The following SLC30A7 variants were observed in gnomAD, a reference collection of about 807,000 sequenced individuals.
The protein encoded by SLC30A7 is zinc transporter 7.
In SLC30A7, 35 loss-of-function variants were observed where a neutral mutation model predicts 46.0. That is an observed-to-expected ratio of 0.76 (90% CI 0.58 to 1.01). The LOEUF is 1.01. Among genes scored for constraint, SLC30A7 ranks in the 50% least tolerant of loss-of-function variants. The pLI, the probability that SLC30A7 is intolerant of heterozygous loss-of-function variation, is 0.00. For synonymous variants in SLC30A7, 147 were observed against 157.8 expected, an observed-to-expected ratio of 0.93 and a Z score of 0.51; for missense variants, 464 against 451.1, an observed-to-expected ratio of 1.03 and a Z score of -0.26.
At chr1:100,937,513 T>G (rs925537637) in intron 8 of SLC30A7, among the ~76,000 whole-genome samples, 2 of 152,332 alleles carry the variant, frequency 1.3e-5, no homozygotes, top group East Asian at 1.9e-4. Context: ...GAAAACCCAT[T>G]AACGTAATGC....
At chr1:100,906,145 T>A (rs1659316107) in intron 2 of SLC30A7, among the ~76,000 whole-genome samples, 1 of 152,230 alleles carries the variant, frequency 6.6e-6, no homozygotes, top group African/African-American at 2.4e-5. Context: ...TTTCAGTGGT[T>A]CCTACTACTT....
At chr1:100,954,274 T>A (rs954949549) in intron 8 of SLC30A7, among the ~76,000 whole-genome samples, 1 of 152,198 alleles carries the variant, frequency 6.6e-6, no homozygotes, top group Non-Finnish European at 1.5e-5. Flanking sequence ...ACTCTGCCAC[T>A]AACTCTTACC....
At chr1:100,946,511 T>C (rs139412005) in intron 8 of SLC30A7, among the ~76,000 whole-genome samples, 1 of 152,346 alleles carries the variant, frequency 6.6e-6, no homozygotes, top group East Asian at 1.9e-4. Context: ...TTGAATTTTG[T>C]CAAAGGCCTT....
intron 6 of SLC30A7, among the ~76,000 whole-genome samples, chr1:100,914,177 T>C (rs910270177): frequency 1.3e-5 from 2 of 152,216 alleles, no homozygotes; most frequent in African/African-American, 4.8e-5. Flanking sequence ...TTCCATTCCC[T>C]CAAGCATTTA....
At position 100,976,589 on chromosome 1, in the gene SLC30A7, T is replaced by C. The variant is rs1232310238; in HGVS notation, c.*1732T>C. The C allele has an allele frequency of 6.6e-6, 1 of 152,254 alleles. No homozygotes were observed. The highest frequency in any genetic ancestry group is 1.5e-5 in the Non-Finnish European group (1 of 68,042). The allele number at this position is 152,254 out of a possible 1,614,324, so 9.4% of individuals were successfully genotyped here. On this transcript the variant is annotated 3_prime_UTR_variant, in exon 11 of 11. Coordinates refer to ENST00000357650, the MANE Select transcript of SLC30A7 (RefSeq NM_133496.5). Reference sequence around the variant, plus strand: ...ACTTCATTTTACAATACATATTCCCTTTTAACTTAAAAAAATTGTAAATGT... The same window carrying C: ...ACTTCATTTTACAATACATATTCCCCTTTAACTTAAAAAAATTGTAAATGT...
chr1:100,936,971 A>C (rs1654001079), intron 8 of SLC30A7, among the ~76,000 whole-genome samples: 1 of 152,154 alleles, frequency 6.6e-6, no homozygotes, highest in Admixed American at 6.5e-5. Flanking sequence ...CTGAATATTT[A>C]CTTATACACA....
At chr1:100,970,193 T>C (rs1227104052) in intron 10 of SLC30A7, among the ~76,000 whole-genome samples, 1 of 152,138 alleles carries the variant, frequency 6.6e-6, no homozygotes, top group African/African-American at 2.4e-5. Context: ...TTATAGCTTT[T>C]GATTTATTAC....
At chr1:100,952,684 G>A (rs999793248) in intron 8 of SLC30A7, among the ~76,000 whole-genome samples, 1 of 152,174 alleles carries the variant, frequency 6.6e-6, no homozygotes, top group Admixed American at 6.5e-5. Flanking sequence ...TGATGGGCCA[G>A]TTCCTAAACC....
At chr1:100,950,804 C>T (rs1295816875) in intron 8 of SLC30A7, among the ~76,000 whole-genome samples, 2 of 152,066 alleles carry the variant, frequency 1.3e-5, no homozygotes, top group Non-Finnish European at 2.9e-5. Flanking sequence ...TTTGGGTTGC[C>T]CTAGAGACAT....
chr1:100,944,426 A>G (rs1030594507), intron 8 of SLC30A7, among the ~76,000 whole-genome samples: 6 of 152,232 alleles, frequency 3.9e-5, no homozygotes, highest in Non-Finnish European at 5.9e-5. Context: ...CGTGAAAAGC[A>G]TATTGAGATT....
At chr1:100,901,169 C>T (rs1651285780) in intron 2 of SLC30A7, among the ~76,000 whole-genome samples, 1 of 152,118 alleles carries the variant, frequency 6.6e-6, no homozygotes, top group Non-Finnish European at 1.5e-5. Flanking sequence ...CATTAATATC[C>T]AGCTAACGAG....
chr1:100,995,341 T>A, the SLC30A7 span: 4 of 468,322 alleles, frequency 8.5e-6, no homozygotes, highest in Non-Finnish European at 1.2e-5. Flanking sequence ...AAAACAAACA[T>A]GAACTTGGCC....
At chr1:100,917,878 T>C (rs1372804913) in intron 6 of SLC30A7, among the ~76,000 whole-genome samples, 199 bp from the exon 7 acceptor site, 1 of 152,186 alleles carries the variant, frequency 6.6e-6, no homozygotes, top group African/African-American at 2.4e-5. Context: ...CTCCATACTT[T>C]TGATGAATTT....
Position 100,948,446 on chromosome 1 carries a change from C to G in SLC30A7, c.843-13382C>G, listed in dbSNP as rs144811140. Among the ~76,000 whole-genome samples the G allele has an allele frequency of 8.8e-3, 1,342 of 152,226 alleles. 31 individuals are homozygous for G. The highest frequency in any genetic ancestry group is 0.031 in the African/African-American group (1,295 of 41,526). ...TGATGGGCTTCTCTTTGTGGGTAACCCGACCTTTCTCTCTGGCTGCCCTTA... is the reference window on the plus strand; with the variant it reads ...TGATGGGCTTCTCTTTGTGGGTAACGCGACCTTTCTCTCTGGCTGCCCTTA... On this transcript the variant is annotated intron_variant, in intron 8 of 10. Transcript: ENST00000357650.
At chr1:100,918,444 A>G (rs1474920880) in intron 7 of SLC30A7, among the ~76,000 whole-genome samples, 1 of 152,218 alleles carries the variant, frequency 6.6e-6, no homozygotes, top group East Asian at 1.9e-4. Flanking sequence ...ACCCTGGGGA[A>G]CATATGAGAC....
At chr1:100,917,491 A>G (rs1652646869) in intron 6 of SLC30A7, among the ~76,000 whole-genome samples, 1 of 152,162 alleles carries the variant, frequency 6.6e-6, no homozygotes, top group South Asian at 2.1e-4. Flanking sequence ...AATATTGCTC[A>G]TCTTTTGCCT....
chr1:100,955,121 CATT>C (rs1655159290), intron 8 of SLC30A7, among the ~76,000 whole-genome samples: 1 of 151,880 alleles, frequency 6.6e-6, no homozygotes, highest in South Asian at 2.1e-4. Context: ...TATTGTTAAA[CATT>C]GTGATTGTCA....
At chr1:100,906,610 C>T (rs775384279) in intron 2 of SLC30A7, among the ~76,000 whole-genome samples, 46 of 152,156 alleles carry the variant, frequency 3.0e-4, no homozygotes, top group Non-Finnish European at 5.6e-4. Context: ...CCTCACCCAG[C>T]AGCAGATGGT....
intron 5 of SLC30A7, 72 bp from the exon 6 acceptor site, chr1:100,913,591 G>T (rs1041725841): frequency 3.5e-5 from 38 of 1,080,454 alleles, no homozygotes; most frequent in Non-Finnish European, 4.3e-5. Flanking sequence ...CTTTGCGCTA[G>T]TGTCAGTATA....
Sources: gnomAD v4.1 joint callset for allele counts (sites outside exome capture counted in the v4.1 genomes callset) on GRCh38, gnomAD v4.1.1 for gene constraint, MANE v1.5 for transcripts, NCBI Gene and HGNC (gene_info 2026-07-23, HGNC 2026-07-21) for gene names.